The following DAW1 variants were observed in gnomAD, a reference collection of about 807,000 sequenced individuals.
DAW1 encodes dynein assembly factor with WD repeats 1.
In DAW1, 47 loss-of-function variants were observed where a neutral mutation model predicts 56.5. The ratio of observed to expected loss-of-function variants is 0.83; its 90% CI spans 0.66 to 1.06. The LOEUF is 1.06. DAW1 is among the 50% of genes least tolerant of loss of function. The pLI, the probability that DAW1 is intolerant of heterozygous loss-of-function variation, is 0.00. For missense variants in DAW1, 505 were observed against 499.3 expected (o/e 1.01, Z -0.11); for synonymous variants, 190 against 179.0 (o/e 1.06, Z -0.49).
At chr2:227,883,181 A>G (rs746558947) in intron 1 of DAW1, among the ~76,000 whole-genome samples, 3 of 152,346 alleles carry the variant, frequency 2.0e-5, no homozygotes, top group South Asian at 4.1e-4. Context: ...TTCAAGCAAA[A>G]ATACCAGCAT....
At chr2:227,907,901 C>T (rs1199785416) in intron 10 of DAW1, among the ~76,000 whole-genome samples, 3 of 152,172 alleles carry the variant, frequency 2.0e-5, no homozygotes, top group Admixed American at 2.0e-4. Flanking sequence ...AACTTAATTA[C>T]CATCAATGGT....
chr2:227,919,316 C>T (rs2106217639), intron 11 of DAW1, among the ~76,000 whole-genome samples: 1 of 151,520 alleles, frequency 6.6e-6, no homozygotes, highest in Admixed American at 6.6e-5. Context: ...AATCACTTAC[C>T]TAAAGACTTT....
chr2:227,873,857 T>C (rs997185353), intron 1 of DAW1, among the ~76,000 whole-genome samples: 3 of 152,128 alleles, frequency 2.0e-5, no homozygotes, highest in African/African-American at 7.2e-5. Context: ...ATTTTTGTAT[T>C]TTTAGCAGAG....
intron 1 of DAW1, among the ~76,000 whole-genome samples, chr2:227,877,027 A>G (rs1284354714): frequency 6.6e-6 from 1 of 152,222 alleles, no homozygotes; most frequent in Admixed American, 6.5e-5. Context: ...CTTTTAATAT[A>G]CTGAAAAATT....
chr2:227,907,677 A>G (rs1264703590), intron 10 of DAW1, among the ~76,000 whole-genome samples: 1 of 152,098 alleles, frequency 6.6e-6, no homozygotes, highest in East Asian at 1.9e-4. Flanking sequence ...CCTCCCGAGT[A>G]GCTGGGAATA....
intron 1 of DAW1, among the ~76,000 whole-genome samples, chr2:227,880,701 C>T (rs959182208): frequency 1.3e-5 from 2 of 152,132 alleles, no homozygotes; most frequent in African/African-American, 2.4e-5. Flanking sequence ...AGCACATCCG[C>T]GCAGCAAGAC....
intron 7 of DAW1, 97 bp from the exon 8 acceptor site, chr2:227,904,832 G>A (rs1477327981): frequency 8.7e-7 from 1 of 1,154,506 alleles, no homozygotes; most frequent in South Asian, 1.5e-5. Context: ...CCTAGAGCTC[G>A]GCCTTCTCCA....
chr2:227,871,669 C>G lies in DAW1; in HGVS notation c.-21C>G, dbSNP rs1333053178. 1 of 1,612,536 alleles carries G rather than the reference C, an allele frequency of 6.2e-7. No individual in the cohort carries two copies. On this transcript the variant is annotated 5_prime_UTR_variant, in exon 1 of 13. Transcript: ENST00000309931. ...TTCCAAGGCTACGAAGCCCATCGGC[C>G]GGGGATAAGAGAGCAAGAAAATGAA...
At chr2:227,909,379 A>G (rs1420605884) in intron 10 of DAW1, among the ~76,000 whole-genome samples, 1 of 148,132 alleles carries the variant, frequency 6.8e-6, no homozygotes, top group East Asian at 1.9e-4. Flanking sequence ...ATTTATATGT[A>G]TTACACTATA....
chr2:227,921,858 A>C (rs553053361), intron 12 of DAW1, among the ~76,000 whole-genome samples: 92 of 152,306 alleles, frequency 6.0e-4, no homozygotes, highest in Non-Finnish European at 9.3e-4. Context: ...GGTGTTTTCT[A>C]TCAATTGAAT....
At chr2:227,898,122 G>A in intron 5 of DAW1, 60 bp from the exon 6 acceptor site, 5 of 1,146,706 alleles carry the variant, frequency 4.4e-6, no homozygotes, top group Non-Finnish European at 5.9e-6. Context: ...TCTCATCTTA[G>A]TTCAGTTTAT....
intron 11 of DAW1, 68 bp from the exon 12 acceptor site, chr2:227,921,331 T>TGA: frequency 6.8e-6 from 2 of 295,576 alleles, no homozygotes; most frequent in Non-Finnish European, 1.1e-5. Flanking sequence ...TTTTTTTTTT[T>TGA]TTGCTGATAA....
intron 5 of DAW1, among the ~76,000 whole-genome samples, chr2:227,896,507 C>T (rs1038878763): frequency 6.6e-6 from 1 of 151,330 alleles, no homozygotes. Flanking sequence ...TTTATGTATG[C>T]GTGAATGCAG....
At position 227,890,480 on chromosome 2, in the gene DAW1, C is replaced by T. The variant is rs79041037; in HGVS notation, c.258+480C>T. 5.5e-4 allele frequency among the ~76,000 whole-genome samples: 83 copies of T among 152,032 alleles called. 1 individual carries two copies. The East Asian group carries it at 0.015, about 27-fold the overall frequency. ...GATGATTAAATATAGCAAATATAGT[C>T]GTTTAGTACTTCAAGGAAAGCTTTT... On this transcript the variant is annotated intron_variant, in intron 3 of 12. Coordinates refer to ENST00000309931, the MANE Select transcript of DAW1 (RefSeq NM_178821.3).
chr2:227,881,572 C>T (rs1691009457), intron 1 of DAW1, among the ~76,000 whole-genome samples: 2 of 152,122 alleles, frequency 1.3e-5, no homozygotes, highest in Middle Eastern at 3.4e-3. Context: ...AGAAAATAAG[C>T]ACTGTTCATT....
chr2:227,920,550 A>T (rs1692080359), intron 11 of DAW1, among the ~76,000 whole-genome samples: 1 of 152,216 alleles, frequency 6.6e-6, no homozygotes, highest in African/African-American at 2.4e-5. Flanking sequence ...TTTATGGAAA[A>T]TGCTATACTT....
At chr2:227,914,253 T>A (rs1691899015) in intron 10 of DAW1, among the ~76,000 whole-genome samples, 1 of 152,040 alleles carries the variant, frequency 6.6e-6, no homozygotes, top group Admixed American at 6.6e-5. Flanking sequence ...TTTGGGTCAT[T>A]TCTCTGACCA....
intron 2 of DAW1, among the ~76,000 whole-genome samples, chr2:227,886,709 G>A (rs1346425669): frequency 6.6e-6 from 1 of 152,238 alleles, no homozygotes; most frequent in Non-Finnish European, 1.5e-5. Context: ...CATCTTGGGA[G>A]ATCGAGGCAG....
At chr2:227,876,725 G>T (rs550470600) in intron 1 of DAW1, among the ~76,000 whole-genome samples, 21 of 152,278 alleles carry the variant, frequency 1.4e-4, no homozygotes, top group African/African-American at 5.1e-4. Context: ...AAATGTACAT[G>T]CCAGTGACAT....
Sources: gnomAD v4.1 joint callset for allele counts (sites outside exome capture counted in the v4.1 genomes callset) on GRCh38, gnomAD v4.1.1 for gene constraint, MANE v1.5 for transcripts, NCBI Gene and HGNC (gene_info 2026-07-23, HGNC 2026-07-21) for gene names.